CUL3: variants seen among roughly 807,000 people sequenced by gnomAD.
The protein encoded by CUL3 is cullin-3.
In CUL3, 19 loss-of-function variants were observed where a neutral mutation model predicts 89.1. That is an observed-to-expected ratio of 0.21 (90% CI 0.15 to 0.31). The LOEUF (loss-of-function observed/expected upper bound fraction) is 0.31. CUL3 is among the 10% of genes least tolerant of loss of function. The pLI, the probability that CUL3 is intolerant of heterozygous loss-of-function variation, is 1.00. For synonymous variants in CUL3, 351 were observed against 308.4 expected (o/e 1.14, Z -1.45); for missense variants, 469 against 942.3 (o/e 0.50, Z 6.58).
intron 13 of CUL3, chr2:224,495,463 C>G (rs1692137897): frequency 6.3e-6 from 1 of 159,228 alleles, no homozygotes; most frequent in Admixed American, 6.4e-5. Flanking sequence ...TCACTGGCTG[C>G]CTGGGGCTGG....
intron 2 of CUL3, among the ~76,000 whole-genome samples, chr2:224,542,175 G>C (rs1291826813): frequency 6.6e-6 from 1 of 152,138 alleles, no homozygotes; most frequent in African/African-American, 2.4e-5. Context: ...TGAAAGAATT[G>C]TTAAACAATT....
intron 3 of CUL3, among the ~76,000 whole-genome samples, chr2:224,529,082 A>C (rs903262112): frequency 7.2e-5 from 11 of 152,174 alleles, no homozygotes; most frequent in Non-Finnish European, 1.5e-4. Flanking sequence ...TACTATCTAT[A>C]ATTTTCCCTT....
chr2:224,491,912 T>A (rs188667241), intron 13 of CUL3, among the ~76,000 whole-genome samples: 50 of 152,298 alleles, frequency 3.3e-4, no homozygotes, highest in Non-Finnish European at 5.7e-4. Context: ...TTTCAAAAAG[T>A]TTTCCTATGC....
intron 2 of CUL3, among the ~76,000 whole-genome samples, chr2:224,554,675 T>C (rs928847467): frequency 2.6e-5 from 4 of 152,220 alleles, no homozygotes; most frequent in African/African-American, 7.2e-5. Context: ...AGTTAAAACA[T>C]GTAAAAGCAC....
At chr2:224,545,430 G>A (rs917102134) in intron 2 of CUL3, among the ~76,000 whole-genome samples, 1 of 152,074 alleles carries the variant, frequency 6.6e-6, no homozygotes, top group African/African-American at 2.4e-5. Flanking sequence ...ACATAGTAAT[G>A]TAACTTAACA....
At chr2:224,558,983 G>A (rs1258308379) in intron 1 of CUL3, among the ~76,000 whole-genome samples, 2 of 151,610 alleles carry the variant, frequency 1.3e-5, no homozygotes, top group African/African-American at 2.4e-5. Context: ...GTGAGCCCGG[G>A]AGGCAGAGCT....
rs867746441 is a variant in CUL3 at position 224,584,945 on chromosome 2, G to C, written c.65C>G (p.Pro22Arg). The C allele has an allele frequency of 6.7e-7, 1 of 1,487,108 alleles. No homozygotes were observed. Among genetic ancestry groups the C allele is most frequent in the Non-Finnish European group, 9.0e-7 (1 of 1,106,686 alleles). 92.1% of individuals were successfully genotyped at this position (1,487,108 alleles called of 1,614,324 possible). The change falls in exon 1 of 16, where the codon CCG becomes CGG. Residue 22 changes from proline to arginine, a missense_variant and splice_region_variant. Around this residue, in one of 4 missense-constraint regions of CUL3, gnomAD observed 32 missense variants for 29.7 expected, o/e 1.08. Coordinates refer to ENST00000264414, the MANE Select transcript of CUL3 (RefSeq NM_003590.5). ...KDTKMRIRAF[P>R]MTMDEKYVNS... ...CCCGGACGCCGAGGAGAGACTCACC[G>C]GAAAGGCCCGGATCCGCATCTTGGT...
At chr2:224,490,460 C>G (rs1037174389) in intron 13 of CUL3, among the ~76,000 whole-genome samples, 1 of 151,822 alleles carries the variant, frequency 6.6e-6, no homozygotes, top group African/African-American at 2.4e-5. Context: ...CCAATAACAG[C>G]GCAGCCAGGC....
chr2:224,571,829 C>G (rs1338361944), intron 1 of CUL3, among the ~76,000 whole-genome samples: 1 of 152,154 alleles, frequency 6.6e-6, no homozygotes, highest in Admixed American at 6.5e-5. Context: ...CACTAGTAGT[C>G]GGTGCCTAGA....
At chr2:224,507,121 A>C in intron 6 of CUL3, 118 bp from the exon 7 acceptor site, 2 of 768,258 alleles carry the variant, frequency 2.6e-6, no homozygotes, top group South Asian at 5.3e-5. Context: ...TTTGCTGACC[A>C]CATGACTATT....
At position 224,577,952 on chromosome 2, in the gene CUL3, T is replaced by C. The variant is rs114267208; in HGVS notation, c.66+6992A>G. ...ATCCTAGTTCTGCCACTTGGAAGAA[T>C]ACCTTAAGCAAATTATTTAGCCTCT... On this transcript the variant is annotated intron_variant, in intron 1 of 15. Coordinates refer to ENST00000264414, the MANE Select transcript of CUL3 (RefSeq NM_003590.5). Among the ~76,000 whole-genome samples, 1,295 of 152,314 alleles carry C rather than the reference T, an allele frequency of 8.5e-3. 10 individuals carry two copies. The highest frequency in any genetic ancestry group is 0.029 in the African/African-American group (1,205 of 41,566).
intron 13 of CUL3, among the ~76,000 whole-genome samples, chr2:224,484,297 T>C (rs1465867560): frequency 6.6e-6 from 1 of 152,210 alleles, no homozygotes; most frequent in African/African-American, 2.4e-5. Context: ...CCAGATTTTC[T>C]TTTGCTCATG....
rs1278579540 is a variant in CUL3 at position 224,585,173 on chromosome 2, C to CGGG, written c.-167_-165dup. On this transcript the variant is annotated 5_prime_UTR_variant, in exon 1 of 16. Transcript: ENST00000264414. ...GGCCCCTGGGCAGCCGCGGCGGCGG[C>CGGG]GGGGGCGGCGGCGGCGGCGGCGGCG... The CGGG allele has an allele frequency of 3.9e-6, 1 of 258,578 alleles. No individual in the cohort carries two copies. Among genetic ancestry groups the CGGG allele is most frequent in the Non-Finnish European group, 6.1e-6 (1 of 164,328 alleles). The allele number at this position is 258,578 out of a possible 1,614,324, so 16.0% of individuals were successfully genotyped here.
intron 14 of CUL3, 93 bp downstream of exon 14, chr2:224,481,799 G>A (rs1227011476): frequency 1.2e-6 from 1 of 832,088 alleles, no homozygotes; most frequent in Non-Finnish European, 1.7e-6. Context: ...CACCAGAAAA[G>A]GAGTATTTTT....
In CUL3 at chr2:224,470,326, C is replaced by G; in HGVS notation, c.*3919G>C. The G allele has an allele frequency of 4.4e-6, 1 of 227,812 alleles. No individual in the cohort carries two copies. The allele number at this position is 227,812 out of a possible 1,614,324, so 14.1% of individuals were successfully genotyped here. On this transcript the variant is annotated 3_prime_UTR_variant, in exon 16 of 16. Transcript: ENST00000264414. Reference sequence around the variant, plus strand: ...TAATTTTAAAGCTATTTTTGCATGGCTCACTCGAGGTCAACTTAGACCCTA... The same window carrying G: ...TAATTTTAAAGCTATTTTTGCATGGGTCACTCGAGGTCAACTTAGACCCTA...
chr2:224,492,166 C>A (rs562988824), intron 13 of CUL3, among the ~76,000 whole-genome samples: 1 of 152,244 alleles, frequency 6.6e-6, no homozygotes, highest in East Asian at 1.9e-4. Flanking sequence ...GTCTATTTTG[C>A]CTTCTGAGTT....
chr2:224,579,520 C>A (rs753643051), intron 1 of CUL3, among the ~76,000 whole-genome samples: 1 of 152,158 alleles, frequency 6.6e-6, no homozygotes, highest in African/African-American at 2.4e-5. Flanking sequence ...CCCATCTGTC[C>A]TTAAGACTCT....
At chr2:224,556,876 T>C in intron 2 of CUL3, among the ~76,000 whole-genome samples, 1 of 152,056 alleles carries the variant, frequency 6.6e-6, no homozygotes, top group Non-Finnish European at 1.5e-5. Context: ...TAGCAAAATG[T>C]AAACAACTGG....
intron 6 of CUL3, among the ~76,000 whole-genome samples, chr2:224,508,398 G>C (rs1489231959): frequency 6.6e-6 from 1 of 152,108 alleles, no homozygotes; most frequent in Non-Finnish European, 1.5e-5. Flanking sequence ...ATTTAGAACA[G>C]GTATTACAAA....
Sources: allele counts gnomAD v4.1 joint callset (sites outside exome capture counted in the v4.1 genomes callset), GRCh38; gene constraint gnomAD v4.1.1; regional missense constraint gnomAD v4.1.1; transcripts MANE v1.5; gene names NCBI Gene and HGNC (gene_info 2026-07-23, HGNC 2026-07-21).